Variants in GALNTL6 observed in about 807,000 individuals in gnomAD.
The protein encoded by GALNTL6 is polypeptide N-acetylgalactosaminyltransferase-like 6.
GALNTL6 carries 46 observed loss-of-function variants against 73.7 expected under a neutral mutation model. That is an observed-to-expected ratio of 0.62 (90% CI 0.49 to 0.80). GALNTL6 has a LOEUF of 0.80. GALNTL6 is among the 30% of genes least tolerant of loss of function. The pLI is 0.00. For synonymous variants in GALNTL6, 259 were observed against 263.7 expected, an observed-to-expected ratio of 0.98 and a Z score of 0.17; for missense variants, 604 against 755.0, an observed-to-expected ratio of 0.80 and a Z score of 2.34.
intron 2 of GALNTL6, among the ~76,000 whole-genome samples, chr4:172,092,254 A>C (rs1469972643): frequency 6.6e-6 from 1 of 152,176 alleles, no homozygotes; most frequent in African/African-American, 2.4e-5. Context: ...CCACAATTTT[A>C]TATAATAATT....
chr4:172,769,442 A>T (rs1321091189), intron 5 of GALNTL6, among the ~76,000 whole-genome samples: 1 of 152,218 alleles, frequency 6.6e-6, no homozygotes, highest in Non-Finnish European at 1.5e-5. Context: ...TGCCACAAGC[A>T]TTTAAGCCTG....
At chr4:172,872,951 G>A (rs1170776287) in intron 7 of GALNTL6, among the ~76,000 whole-genome samples, 5 of 152,212 alleles carry the variant, frequency 3.3e-5, no homozygotes, top group East Asian at 1.9e-4. Flanking sequence ...ACCTCCTAAC[G>A]GGGCTCTGTG....
intron 2 of GALNTL6, among the ~76,000 whole-genome samples, chr4:171,822,138 G>T (rs1734703538): frequency 6.6e-6 from 1 of 151,890 alleles, no homozygotes; most frequent in African/African-American, 2.4e-5. Flanking sequence ...TACTTTTGTT[G>T]TTGCTGTTTA....
chr4:171,817,099 C>T (rs9991464), intron 2 of GALNTL6, among the ~76,000 whole-genome samples: 11,365 of 151,960 alleles, frequency 0.075, 1,216 homozygotes, highest in African/African-American at 0.24. Context: ...AACACATTTA[C>T]TACTATACTT....
intron 5 of GALNTL6, among the ~76,000 whole-genome samples, chr4:172,610,469 G>T (rs1259139700): frequency 6.6e-6 from 1 of 152,068 alleles, no homozygotes; most frequent in Non-Finnish European, 1.5e-5. Flanking sequence ...TTAGGAGCAG[G>T]TTACTTAATT....
chr4:172,525,174 G>C (rs1006433215), intron 5 of GALNTL6, among the ~76,000 whole-genome samples: 10 of 152,208 alleles, frequency 6.6e-5, no homozygotes, highest in African/African-American at 1.9e-4. Flanking sequence ...AAGAAATATT[G>C]CTGTTGGATA....
chr4:172,085,001 A>G (rs1364907006), intron 2 of GALNTL6, among the ~76,000 whole-genome samples: 2 of 152,224 alleles, frequency 1.3e-5, no homozygotes, highest in African/African-American at 4.8e-5. Flanking sequence ...AAAGATGTGA[A>G]GCACAAGAGG....
chr4:172,881,081 C>T (rs764979755), intron 7 of GALNTL6, among the ~76,000 whole-genome samples: 1 of 152,102 alleles, frequency 6.6e-6, no homozygotes, highest in Non-Finnish European at 1.5e-5. Context: ...GACTTGGGAC[C>T]TTTCTATTTG....
intron 5 of GALNTL6, among the ~76,000 whole-genome samples, chr4:172,777,022 C>T (rs4420960): frequency 0.52 from 79,615 of 151,968 alleles, 21,623 homozygotes; most frequent in East Asian, 0.78. Flanking sequence ...TTAATCTATT[C>T]GTTGCCTCAA....
chr4:172,800,048 G>A (rs1340737845), intron 5 of GALNTL6, among the ~76,000 whole-genome samples: 1 of 152,174 alleles, frequency 6.6e-6, no homozygotes, highest in Non-Finnish European at 1.5e-5. Context: ...CCACAGATAT[G>A]AGTTATCTGG....
chr4:172,164,829 T>C (rs1734574167), intron 2 of GALNTL6, among the ~76,000 whole-genome samples: 1 of 152,088 alleles, frequency 6.6e-6, no homozygotes, highest in South Asian at 2.1e-4. Context: ...GTTTGCTATA[T>C]TATTAGTTAG....
chr4:172,768,438 C>T (rs537933771), intron 5 of GALNTL6, among the ~76,000 whole-genome samples: 7 of 152,058 alleles, frequency 4.6e-5, no homozygotes, highest in Admixed American at 3.9e-4. Context: ...ATTGTGAGAA[C>T]GAATTCAAGA....
intron 2 of GALNTL6, among the ~76,000 whole-genome samples, chr4:171,921,315 A>G (rs889931914): frequency 6.6e-6 from 1 of 152,238 alleles, no homozygotes; most frequent in Non-Finnish European, 1.5e-5. Context: ...GGATAAAAAT[A>G]CAAAGTGTAT....
chr4:172,239,701 A>C (rs1737356065), intron 3 of GALNTL6, among the ~76,000 whole-genome samples: 1 of 152,056 alleles, frequency 6.6e-6, no homozygotes, highest in Non-Finnish European at 1.5e-5. Context: ...AGATCTTTCT[A>C]ACTTTTTTAT....
At chr4:171,941,584 C>T (rs931600301) in intron 2 of GALNTL6, among the ~76,000 whole-genome samples, 6 of 152,104 alleles carry the variant, frequency 3.9e-5, no homozygotes, top group African/African-American at 9.7e-5. Flanking sequence ...AGAATCTTTA[C>T]GATTACTTTG....
chr4:172,879,630 G>A (rs1242274228), intron 7 of GALNTL6, among the ~76,000 whole-genome samples: 1 of 151,852 alleles, frequency 6.6e-6, no homozygotes, highest in Non-Finnish European at 1.5e-5. Flanking sequence ...AAAGCAATAG[G>A]TAGGAATAGA....
rs1174417903 is a variant in GALNTL6 at position 172,398,650 on chromosome 4, G to T, written c.553+49961G>T. The stretch of plus-strand genomic sequence containing the variant: ...ACCTGTGAAATGATTTCTTGATAAT[G>T]GTAAACTACCTGAACATCCAGCAAG... On this transcript the variant is annotated intron_variant, in intron 5 of 12. Coordinates refer to ENST00000506823, the MANE Select transcript of GALNTL6 (RefSeq NM_001034845.3). 3.3e-5 allele frequency among the ~76,000 whole-genome samples: 5 copies of T among 152,126 alleles called. No homozygotes were observed. The East Asian group carries it at 9.7e-4, about 29-fold the overall frequency.
At chr4:172,426,339 TAGC>T (rs3084197) in intron 5 of GALNTL6, among the ~76,000 whole-genome samples, 122,220 of 151,682 alleles carry the variant, frequency 0.81, 50,093 homozygotes, top group Non-Finnish European at 0.88. Flanking sequence ...CTGTAGTCCA[TAGC>T]AGAGTTTTTT....
At chr4:171,989,133 A>G (rs760789669) in intron 2 of GALNTL6, among the ~76,000 whole-genome samples, 1 of 152,172 alleles carries the variant, frequency 6.6e-6, no homozygotes, top group Non-Finnish European at 1.5e-5. Flanking sequence ...ACAGTTATGG[A>G]AGCAAGGGAA....
Sources: allele counts gnomAD v4.1 joint callset (sites outside exome capture counted in the v4.1 genomes callset), GRCh38; gene constraint gnomAD v4.1.1; transcripts MANE v1.5; gene names NCBI Gene and HGNC (gene_info 2026-07-23, HGNC 2026-07-21).